The following BRAF variants were observed in gnomAD, a reference collection of about 807,000 sequenced individuals.
The protein encoded by BRAF is serine/threonine-protein kinase B-raf.
BRAF carries 16 observed loss-of-function variants against 104.6 expected under a neutral mutation model. That is an observed-to-expected ratio of 0.15 (90% CI 0.10 to 0.23). The LOEUF (loss-of-function observed/expected upper bound fraction) is 0.23. Ranked by LOEUF, BRAF falls within the 10% of genes least tolerant of loss-of-function variation. The pLI, the probability that BRAF is intolerant of heterozygous loss-of-function variation, is 1.00. For synonymous variants in BRAF, 310 were observed against 341.6 expected, an observed-to-expected ratio of 0.91 and a Z score of 1.02; for missense variants, 541 against 937.3, an observed-to-expected ratio of 0.58 and a Z score of 5.52.
At chr7:140,791,607 T>C (rs1394717845) in intron 8 of BRAF, among the ~76,000 whole-genome samples, 1 of 152,032 alleles carries the variant, frequency 6.6e-6, no homozygotes, top group Admixed American at 6.5e-5. Flanking sequence ...CTCCTAAATC[T>C]GTATCTCTAC....
At chr7:140,791,323 T>C (rs1393420095) in intron 8 of BRAF, among the ~76,000 whole-genome samples, 1 of 152,162 alleles carries the variant, frequency 6.6e-6, no homozygotes, top group Non-Finnish European at 1.5e-5. Context: ...GATAGTCCTT[T>C]CAGTCTTTAT....
At chr7:140,896,193 G>A (rs192039245) in intron 1 of BRAF, among the ~76,000 whole-genome samples, 17 of 152,172 alleles carry the variant, frequency 1.1e-4, no homozygotes, top group Non-Finnish European at 2.9e-5. Context: ...ACCACACTGT[G>A]GTTTCACCTT....
In BRAF at chr7:140,787,560, G is replaced by T. The variant is rs397507472; in HGVS notation, c.1165C>A (p.Arg389Ser). Reference sequence around the variant, plus strand: ...AATCACTACTTACCTCCATCACCACGAAATCCTTGGTCTCTAATCAAGTCC... The same window carrying T: ...AATCACTACTTACCTCCATCACCACTAAATCCTTGGTCTCTAATCAAGTCC... Reference protein sequence around the residue: ...IDDLIRDQGFRGDGAPLNQLM... With the variant: ...IDDLIRDQGFSGDGAPLNQLM... Residue 389 changes from arginine (R) to serine (S), a missense_variant, in exon 9 of 20, where the codon CGT (arginine) becomes AGT (serine). By Grantham distance (110) the Arg-to-Ser change is moderately radical. This residue lies in a region of BRAF where 109 missense variants were observed against 143.9 expected (regional missense o/e 0.76). Coordinates refer to ENST00000644969, the MANE Select transcript of BRAF (RefSeq NM_001374258.1). 6.2e-7 allele frequency: 1 copy of T among 1,612,336 alleles called. No homozygotes were observed. Among genetic ancestry groups the T allele is most frequent in the Non-Finnish European group, 8.5e-7 (1 of 1,178,800 alleles).
intron 19 of BRAF, chr7:140,732,338 GA>G (rs1409645144): frequency 1.3e-5 from 2 of 150,904 alleles, no homozygotes; most frequent in Non-Finnish European, 2.9e-5. Flanking sequence ...CATATGGTTA[GA>G]AAAAATAATG....
chr7:140,758,976 C>G (rs1414662111), intron 14 of BRAF, among the ~76,000 whole-genome samples: 1 of 152,206 alleles, frequency 6.6e-6, no homozygotes, highest in Admixed American at 6.5e-5. Flanking sequence ...ACTTCTGTCA[C>G]TACAGATTAA....
chr7:140,740,048 ACG>A, intron 17 of BRAF, 102 bp from the exon 17 acceptor site: 1 of 1,276,080 alleles, frequency 7.8e-7, no homozygotes, highest in Non-Finnish European at 1.1e-6. Context: ...TTTACAGCTT[ACG>A]ATGTATGTAT....
chr7:140,916,599 G>A (rs780132778), intron 1 of BRAF, among the ~76,000 whole-genome samples: 6 of 151,986 alleles, frequency 3.9e-5, no homozygotes, highest in South Asian at 2.1e-4. Flanking sequence ...AATGCAACAC[G>A]GTAAAAAGGA....
At chr7:140,718,212 A>G (rs2130811802), downstream of BRAF, among the ~76,000 whole-genome samples, 1 of 152,258 alleles carries the variant, frequency 6.6e-6, no homozygotes, top group East Asian at 1.9e-4. Context: ...CTCCTGCCTC[A>G]GCCTCCCGAG....
At chr7:140,770,526 CCAAAA>C (rs1799734711) in intron 14 of BRAF, among the ~76,000 whole-genome samples, 2 of 96,422 alleles carry the variant, frequency 2.1e-5, no homozygotes, top group African/African-American at 1.7e-4. Flanking sequence ...ATAAGGCCTG[CCAAAA>C]AAAAAAAAAA....
intron 1 of BRAF, among the ~76,000 whole-genome samples, chr7:140,916,541 A>G (rs1817654778): frequency 6.6e-6 from 1 of 152,226 alleles, no homozygotes; most frequent in Non-Finnish European, 1.5e-5. Context: ...GTGAATAAAC[A>G]TCTTAACATA....
chr7:140,855,556 A>C (rs575518137), intron 1 of BRAF, among the ~76,000 whole-genome samples: 5 of 82,080 alleles, frequency 6.1e-5, no homozygotes, highest in South Asian at 4.4e-4. Flanking sequence ...CTATGGCACA[A>C]AAAAAAAACT....
intron 14 of BRAF, 138 bp downstream of exon 13, chr7:140,776,774 A>C (rs71645985): frequency 1.3e-6 from 1 of 798,470 alleles, no homozygotes; most frequent in Non-Finnish European, 2.1e-6. Context: ...CATATTATTT[A>C]CCAGCCATTA....
intron 17 of BRAF, 50 bp downstream of exon 16, chr7:140,749,237 G>C (rs759541890): frequency 2.5e-6 from 4 of 1,606,920 alleles, no homozygotes; most frequent in Non-Finnish European, 8.5e-7. Context: ...TACAACTGGA[G>C]CCTTGTATAT....
At chr7:140,794,505 T>C (rs952448841) in intron 7 of BRAF, 38 bp from the exon 8 acceptor site, 5 of 1,595,088 alleles carry the variant, frequency 3.1e-6, no homozygotes, top group African/African-American at 1.3e-5. Context: ...AGATTCAGAG[T>C]AACGATATAA....
intron 1 of BRAF, among the ~76,000 whole-genome samples, chr7:140,868,566 G>A (rs1008711435): frequency 6.6e-6 from 1 of 151,988 alleles, no homozygotes; most frequent in Non-Finnish European, 1.5e-5. Flanking sequence ...CCTAGAAATG[G>A]GGGGAATATA....
chr7:140,839,303 TTTACAAAAATTAAAAACAAAACAAA>T, intron 2 of BRAF, among the ~76,000 whole-genome samples: 1 of 152,166 alleles, frequency 6.6e-6, no homozygotes, highest in Non-Finnish European at 1.5e-5. Flanking sequence ...AGACTCCATC[TTTACAAAAATTAAAAACAAAACAAA>T]ATGGGTCACA....
chr7:140,878,219 A>G (rs1812481939), intron 1 of BRAF, among the ~76,000 whole-genome samples: 1 of 152,192 alleles, frequency 6.6e-6, no homozygotes, highest in African/African-American at 2.4e-5. Context: ...TGCTCAAAGG[A>G]CAATTTATAG....
rs1797599593 is a variant in BRAF at position 140,749,334 on chromosome 7, A to G, written c.2065T>C (p.Leu689=). The change falls in exon 17 of 20, where the codon TTG becomes CTG. Residue 689 remains leucine (L), a synonymous_variant. Coordinates refer to ENST00000644969, the MANE Select transcript of BRAF (RefSeq NM_001374258.1). The stretch of plus-strand genomic sequence containing the variant: ...GAATAAGGTAACTGTCCAGTCATCA[A>G]TTCATACAGAACAATTCCAAATGCA... ...VYAFGIVLYE[L]MTGQLPYSNI... 1 of 1,612,600 alleles carries G rather than the reference A, an allele frequency of 6.2e-7. No homozygotes were observed. The highest frequency in any genetic ancestry group is 8.5e-7 in the Non-Finnish European group (1 of 1,179,532).
At chr7:140,902,803 C>A (rs555017936) in intron 1 of BRAF, among the ~76,000 whole-genome samples, 1 of 151,622 alleles carries the variant, frequency 6.6e-6, no homozygotes, top group African/African-American at 2.4e-5. Flanking sequence ...AGCAAGCAAG[C>A]AAAACAACCT....
Sources: gnomAD v4.1 joint callset for allele counts (sites outside exome capture counted in the v4.1 genomes callset) on GRCh38, gnomAD v4.1.1 for gene constraint, gnomAD v4.1.1 regional missense constraint, MANE v1.5 for transcripts, NCBI Gene and HGNC (gene_info 2026-07-23, HGNC 2026-07-21) for gene names.